Variants in DSG3 observed in about 807,000 individuals in gnomAD.
DSG3 encodes desmoglein 3.
A neutral mutation model predicts 85.9 loss-of-function variants in DSG3; 63 were observed. The observed-to-expected ratio is 0.73, with a 90% CI of 0.60 to 0.90. The LOEUF (loss-of-function observed/expected upper bound fraction) is 0.90. Among genes scored for constraint, DSG3 ranks in the 40% least tolerant of loss-of-function variants. The pLI, the probability that DSG3 is intolerant of heterozygous loss-of-function variation, is 0.00. For missense variants in DSG3, 1,220 were observed against 1,219.9 expected (o/e 1.00, Z 0.00); for synonymous variants, 447 against 441.9 (o/e 1.01, Z -0.14).
Position 31,465,449 on chromosome 18 carries a change from C to T in DSG3, c.1403C>T (p.Ala468Val), listed in dbSNP as rs1265826689. The T allele has an allele frequency of 1.3e-6, 2 of 1,482,722 alleles. No homozygotes were observed. Among genetic ancestry groups the T allele is most frequent in the Non-Finnish European group, 1.8e-6 (2 of 1,116,590 alleles). 91.8% of individuals were successfully genotyped at this position (1,482,722 alleles called of 1,614,324 possible). ...VNKTITAEVL[A>V]IDEYTGKTST... ...AAAACAATCACAGCTGAGGTTCTGG[C>T]CATAGATGGTAAGAAAAATATTTGA... The change falls in exon 10 of 16, where the codon GCC becomes GTC. Residue 468 changes from alanine (A) to valine (V), a missense_variant. Transcript: ENST00000257189.
chr18:31,451,162 G>C (rs1253868146), intron 1 of DSG3, among the ~76,000 whole-genome samples: 1 of 152,036 alleles, frequency 6.6e-6, no homozygotes, highest in Non-Finnish European at 1.5e-5. Context: ...AGGACTCATG[G>C]TTGAAAATGC....
In DSG3 at chr18:31,476,193, G is replaced by A. The variant is rs554984257; in HGVS notation, c.2933G>A (p.Gly978Asp). The change falls in exon 16 of 16, where the codon GGC becomes GAC. Residue 978 changes from glycine (G) to aspartate (D), a missense_variant. By Grantham distance (94) the Gly-to-Asp change is moderately conservative. Coordinates refer to ENST00000257189, the MANE Select transcript of DSG3 (RefSeq NM_001944.3). ...TCCAGTGTTCCTGGCAACCTAGCTG[G>A]CCCAACGCAGCTACGAGGGTCACAT... ...PISSVPGNLA[G>D]PTQLRGSHTM... The A allele has an allele frequency of 2.3e-5, 37 of 1,614,142 alleles. No homozygotes were observed. In the South Asian group the frequency reaches 3.8e-4, roughly 17 times the overall value.
At chr18:31,451,693 C>G (rs1351580676) in intron 1 of DSG3, among the ~76,000 whole-genome samples, 1 of 152,070 alleles carries the variant, frequency 6.6e-6, no homozygotes, top group East Asian at 1.9e-4. Context: ...ATCAGAATAC[C>G]CTTGCCAAAT....
intron 14 of DSG3, 31 bp downstream of exon 14, chr18:31,472,819 G>A (rs1431968817): frequency 1.9e-6 from 3 of 1,588,866 alleles, no homozygotes; most frequent in Non-Finnish European, 2.6e-6. Context: ...TGAAAGCAAT[G>A]GTGAGTTAAG....
intron 7 of DSG3, 84 bp downstream of exon 7, chr18:31,461,045 C>A: frequency 7.2e-7 from 1 of 1,390,476 alleles, no homozygotes; most frequent in Non-Finnish European, 9.6e-7. Context: ...TGTTTGTTGG[C>A]TTTTATTTAA....
At chr18:31,451,318 A>G (rs187478638) in intron 1 of DSG3, among the ~76,000 whole-genome samples, 14 of 152,344 alleles carry the variant, frequency 9.2e-5, no homozygotes, top group Admixed American at 7.2e-4. Context: ...TTATGTTACT[A>G]TATTAGGTAA....
chr18:31,476,414 T>G lies in DSG3; in HGVS notation c.*154T>G. 3.6e-6 allele frequency: 3 copies of G among 831,558 alleles called. No homozygotes were observed. Among genetic ancestry groups the G allele is most frequent in the South Asian group, 2.5e-5 (1 of 39,852 alleles). 51.5% of individuals were successfully genotyped at this position (831,558 alleles called of 1,614,324 possible). On this transcript the variant is annotated 3_prime_UTR_variant, in exon 16 of 16. Transcript: ENST00000257189. ...CACGATTATAAATTAAATGTTTGGG[T>G]TCATACCCCAAAAGCAATATGTTGT... is the stretch of plus-strand genomic sequence containing the variant.
chr18:31,475,751 G>A lies in DSG3; in HGVS notation c.2491G>A (p.Val831Met), dbSNP rs542398212. ...TGCCACTGGTTCTCCTGTGGGCTCC[G>A]TGGGTTGTTGCAGTTTTATTGCTGA... is the stretch of plus-strand genomic sequence containing the variant. ...ADATGSPVGS[V>M]GCCSFIADDL... Residue 831 changes from valine to methionine, a missense_variant, in exon 16 of 16, where the codon GTG (valine) becomes ATG (methionine). Val to Met is a conservative substitution (Grantham distance 21, BLOSUM62 1). Transcript: ENST00000257189. The A allele has an allele frequency of 1.2e-5, 20 of 1,614,194 alleles. No homozygotes were observed. The highest frequency in any genetic ancestry group is 4.0e-5 in the African/African-American group (3 of 75,036).
intron 1 of DSG3, among the ~76,000 whole-genome samples, chr18:31,455,987 G>T (rs2072739528): frequency 6.6e-6 from 1 of 152,142 alleles, no homozygotes; most frequent in Non-Finnish European, 1.5e-5. Flanking sequence ...ATACAGGATT[G>T]CCTTCCTACA....
rs147711163 is a variant in DSG3, at chr18:31,475,953, G to A, written c.2693G>A (p.Cys898Tyr). ...IEVQQTGFVK[C>Y]QTLSGSQGAS... ...GTCCAGCAGACAGGATTTGTTAAGT[G>A]CCAGACTTTGTCAGGAAGTCAAGGA... The change falls in exon 16 of 16, where the codon TGC becomes TAC. Residue 898 changes from cysteine to tyrosine, a missense_variant. Coordinates refer to ENST00000257189, the MANE Select transcript of DSG3 (RefSeq NM_001944.3). 4.9e-5 allele frequency: 79 copies of A among 1,614,056 alleles called. No individual in the cohort carries two copies. The highest frequency in any genetic ancestry group is 8.0e-5 in the African/African-American group (6 of 74,916).
intron 1 of DSG3, among the ~76,000 whole-genome samples, chr18:31,456,173 T>G (rs1370469553): frequency 2.0e-5 from 3 of 152,170 alleles, no homozygotes; most frequent in Non-Finnish European, 2.9e-5. Flanking sequence ...TAGGCATAGT[T>G]TTTGCAAAGT....
intron 1 of DSG3, among the ~76,000 whole-genome samples, chr18:31,453,603 A>C (rs2144261879): frequency 6.6e-6 from 1 of 152,302 alleles, no homozygotes; most frequent in East Asian, 1.9e-4. Context: ...AAATTTAATA[A>C]TTAGATTTGC....
chr18:31,466,711 A>G lies in DSG3; in HGVS notation c.1593A>G (p.Gln531=), dbSNP rs1598783429. The G allele has an allele frequency of 6.2e-7, 1 of 1,614,086 alleles. No individual in the cohort carries two copies. Among genetic ancestry groups the G allele is most frequent in the South Asian group, 1.1e-5 (1 of 91,090 alleles). Residue 531 remains glutamine, a synonymous_variant, in exon 11 of 16, where the codon CAA becomes CAG. Transcript: ENST00000257189. The part of the protein sequence containing the change: ...TGPYTFALED[Q]PVKLPAVWSI... ...CCTATACATTTGCACTGGAAGATCA[A>G]CCTGTAAAGTTGCCTGCCGTATGGA...
At chr18:31,464,872 C>T (rs926226701) in intron 9 of DSG3, among the ~76,000 whole-genome samples, 5 of 152,250 alleles carry the variant, frequency 3.3e-5, no homozygotes, top group Admixed American at 6.5e-5. Flanking sequence ...CACAGTGGCT[C>T]ACACCTGTAA....
chr18:31,462,688 G>A (rs2072793898), intron 8 of DSG3, among the ~76,000 whole-genome samples: 1 of 152,110 alleles, frequency 6.6e-6, no homozygotes, highest in Non-Finnish European at 1.5e-5. Context: ...AATTGTCTTT[G>A]AAGTCTGACC....
At chr18:31,466,098 C>A (rs1371059955) in intron 10 of DSG3, among the ~76,000 whole-genome samples, 1 of 151,834 alleles carries the variant, frequency 6.6e-6, no homozygotes, top group East Asian at 1.9e-4. Flanking sequence ...TAAAATTTTT[C>A]TTTAATAAAC....
intron 1 of DSG3, among the ~76,000 whole-genome samples, chr18:31,452,517 C>CAAAA (rs35886860): frequency 4.2e-4 from 22 of 51,828 alleles, no homozygotes; most frequent in Non-Finnish European, 7.4e-4. Context: ...GACTCCGTCT[C>CAAAA]AAAAAAAAAA....
intron 12 of DSG3, 58 bp from the exon 13 acceptor site, chr18:31,472,226 C>T (rs2072859563): frequency 9.3e-6 from 15 of 1,608,094 alleles, no homozygotes; most frequent in East Asian, 2.2e-5. Context: ...AAAATTATCA[C>T]ATTAAATAGT....
At chr18:31,450,273 T>C (rs1048821586) in intron 1 of DSG3, among the ~76,000 whole-genome samples, 5 of 152,142 alleles carry the variant, frequency 3.3e-5, no homozygotes, top group Non-Finnish European at 7.4e-5. Flanking sequence ...TCTTGGGTTG[T>C]CAGAAGAGTA....
Sources: allele counts gnomAD v4.1 joint callset (sites outside exome capture counted in the v4.1 genomes callset), GRCh38; gene constraint gnomAD v4.1.1; transcripts MANE v1.5; gene names NCBI Gene and HGNC (gene_info 2026-07-23, HGNC 2026-07-21).